The following DLG2 variants were observed in gnomAD, a reference collection of about 807,000 sequenced individuals.
The protein encoded by DLG2 is disks large homolog 2.
In DLG2, 45 loss-of-function variants were observed where a neutral mutation model predicts 132.5. The observed-to-expected ratio is 0.34, with a 90% CI of 0.27 to 0.44. DLG2 has a LOEUF of 0.44. Among genes scored for constraint, DLG2 ranks in the 20% least tolerant of loss-of-function variants. The probability of loss-of-function intolerance (pLI) is 1.00; values close to 1 mark genes in which losing one functional copy is unlikely to be tolerated. For missense variants in DLG2, 1,045 were observed against 1,196.9 expected (o/e 0.87, Z 1.87); for synonymous variants, 424 against 419.6 (o/e 1.01, Z -0.13).
intron 6 of DLG2, among the ~76,000 whole-genome samples, chr11:84,631,483 C>T (rs983221722): frequency 5.3e-5 from 8 of 152,252 alleles, no homozygotes; most frequent in Middle Eastern, 3.4e-3. Context: ...TACAATGTCA[C>T]TAAATCCTCT....
rs1428344530 is a variant in DLG2, at chr11:85,484,658, C to T, written c.40+113999G>A. Among the ~76,000 whole-genome samples, 404 of 152,020 alleles carry T rather than the reference C, an allele frequency of 2.7e-3. 2 individuals carry two copies. The highest frequency in any genetic ancestry group is 4.3e-3 in the Non-Finnish European group (290 of 67,898). On this transcript the variant is annotated intron_variant, in intron 3 of 27. Coordinates refer to ENST00000376104, the MANE Select transcript of DLG2 (RefSeq NM_001142699.3). ...AAATCAAAACCACAATGAGATACCA[C>T]CTCACGCCAGTTAGAATGGCTATCA...
chr11:85,533,288 T>C (rs545694317), intron 3 of DLG2, among the ~76,000 whole-genome samples: 3 of 152,152 alleles, frequency 2.0e-5, no homozygotes, highest in East Asian at 3.9e-4. Flanking sequence ...CCTCCCAAAG[T>C]GCTGGGATTA....
At chr11:85,309,364 T>C (rs1301306476) in intron 3 of DLG2, among the ~76,000 whole-genome samples, 1 of 149,962 alleles carries the variant, frequency 6.7e-6, no homozygotes, top group African/African-American at 2.5e-5. Flanking sequence ...AATTTTACAG[T>C]AATAGCAAAC....
At chr11:83,904,216 T>A (rs2074175412) in intron 15 of DLG2, among the ~76,000 whole-genome samples, 1 of 152,182 alleles carries the variant, frequency 6.6e-6, no homozygotes, top group Non-Finnish European at 1.5e-5. Flanking sequence ...TGAGAGATTT[T>A]ATCATGCTTC....
chr11:84,170,064 C>CT (rs1230155660), intron 8 of DLG2, among the ~76,000 whole-genome samples: 9 of 151,816 alleles, frequency 5.9e-5, no homozygotes, highest in East Asian at 1.9e-4. Context: ...GTATATTAAC[C>CT]TTTTTTTTAC....
chr11:84,190,041 G>C (rs2096374299), intron 8 of DLG2, among the ~76,000 whole-genome samples: 1 of 151,916 alleles, frequency 6.6e-6, no homozygotes, highest in Non-Finnish European at 1.5e-5. Flanking sequence ...CGCACAGTAA[G>C]GTAAGTGTCA....
At chr11:83,638,865 G>C (rs767716544) in intron 18 of DLG2, among the ~76,000 whole-genome samples, 1 of 152,212 alleles carries the variant, frequency 6.6e-6, no homozygotes, top group Non-Finnish European at 1.5e-5. Flanking sequence ...TCAAGGCCTT[G>C]AGCTACTGAT....
intron 7 of DLG2, among the ~76,000 whole-genome samples, chr11:84,280,634 T>C (rs2097844191): frequency 6.6e-6 from 1 of 152,190 alleles, no homozygotes; most frequent in Non-Finnish European, 1.5e-5. Flanking sequence ...TTTCATGCTC[T>C]GAAAACTGAA....
intron 11 of DLG2, among the ~76,000 whole-genome samples, chr11:83,988,358 A>G (rs553603011): frequency 1.4e-4 from 22 of 151,960 alleles, no homozygotes; most frequent in Non-Finnish European, 2.9e-4. Flanking sequence ...GTGGCTAGCT[A>G]TGGATGCCTT....
intron 18 of DLG2, among the ~76,000 whole-genome samples, chr11:83,723,249 G>A (rs2089164555): frequency 2.0e-5 from 3 of 151,920 alleles, no homozygotes; most frequent in South Asian, 2.1e-4. Context: ...GCATGGGGGC[G>A]GGCACCTGTA....
rs141279071 is a variant in DLG2, at chr11:83,837,966, C to A, written c.1566-4196G>T. Among the ~76,000 whole-genome samples the A allele has an allele frequency of 6.2e-3, 938 of 152,158 alleles. 8 individuals carry two copies. Among genetic ancestry groups the A allele is most frequent in the Middle Eastern group, 0.02 (6 of 294 alleles). On this transcript the variant is annotated intron_variant, in intron 16 of 27. Coordinates refer to ENST00000376104, the MANE Select transcript of DLG2 (RefSeq NM_001142699.3). ...AGAATTTTCATGAAAAGGTTATTGT[C>A]GAAATCTCCCCCTTTCCCCAGAATA...
intron 8 of DLG2, among the ~76,000 whole-genome samples, chr11:84,198,777 G>A (rs1481566615): frequency 6.6e-6 from 1 of 152,144 alleles, no homozygotes; most frequent in African/African-American, 2.4e-5. Context: ...GATTTAGAAT[G>A]TAAAGAAACA....
intron 7 of DLG2, among the ~76,000 whole-genome samples, chr11:84,271,060 A>G (rs2097715273): frequency 6.6e-6 from 1 of 152,220 alleles, no homozygotes; most frequent in Non-Finnish European, 1.5e-5. Flanking sequence ...CAGGGAATAC[A>G]TAGAGTACCT....
intron 8 of DLG2, among the ~76,000 whole-genome samples, chr11:84,186,464 T>C (rs2096278292): frequency 6.6e-6 from 1 of 151,994 alleles, no homozygotes; most frequent in Non-Finnish European, 1.5e-5. Context: ...AGTACATTTA[T>C]AATACCAATT....
chr11:84,864,564 T>C (rs935011310), intron 6 of DLG2, among the ~76,000 whole-genome samples: 6 of 152,160 alleles, frequency 3.9e-5, no homozygotes, highest in Non-Finnish European at 5.9e-5. Context: ...CTGTATTCTT[T>C]ATAAGCTTCA....
At chr11:85,019,027 G>A (rs1342592109) in intron 6 of DLG2, among the ~76,000 whole-genome samples, 4 of 152,108 alleles carry the variant, frequency 2.6e-5, no homozygotes, top group Non-Finnish European at 5.9e-5. Flanking sequence ...ATGTAGGGGT[G>A]TAACACACAT....
chr11:85,440,339 C>T (rs1288365973), intron 3 of DLG2, among the ~76,000 whole-genome samples: 1 of 152,126 alleles, frequency 6.6e-6, no homozygotes, highest in Non-Finnish European at 1.5e-5. Context: ...AATGTGATAA[C>T]ATATTTAAGA....
intron 3 of DLG2, among the ~76,000 whole-genome samples, chr11:85,484,094 A>G (rs892615014): frequency 6.6e-6 from 1 of 152,084 alleles, no homozygotes; most frequent in Non-Finnish European, 1.5e-5. Context: ...GTTGAAAAGA[A>G]CTTTGAAGAG....
chr11:83,643,235 T>C (rs947559145), intron 18 of DLG2, among the ~76,000 whole-genome samples: 1 of 152,220 alleles, frequency 6.6e-6, no homozygotes, highest in African/African-American at 2.4e-5. Context: ...AAAGTGGAAT[T>C]AGATTCCTGT....
Sources: allele counts gnomAD v4.1 joint callset (sites outside exome capture counted in the v4.1 genomes callset), GRCh38; gene constraint gnomAD v4.1.1; transcripts MANE v1.5; gene names NCBI Gene and HGNC (gene_info 2026-07-23, HGNC 2026-07-21).